The following RFC1 variants were observed in gnomAD, a reference collection of about 807,000 sequenced individuals.
RFC1 encodes the protein replication factor C subunit 1.
Under a neutral mutation model 137.4 loss-of-function variants are expected in RFC1, and 37 were observed. The observed-to-expected ratio is 0.27, with a 90% CI of 0.21 to 0.35. RFC1 has a LOEUF of 0.35. RFC1 is among the 10% of genes least tolerant of loss of function. RFC1 has a pLI of 1.00. For missense variants in RFC1, 1,205 were observed against 1,358.5 expected, an observed-to-expected ratio of 0.89 and a Z score of 1.78; for synonymous variants, 429 against 455.7, an observed-to-expected ratio of 0.94 and a Z score of 0.75.
At chr4:39,351,282 A>ACTTAC in intron 2 of RFC1, 66 bp downstream of exon 2, 1 of 535,058 alleles carries the variant, frequency 1.9e-6, no homozygotes, top group Non-Finnish European at 2.7e-6. Context: ...AAAAAAAAAA[A>ACTTAC]AAACTTATAA....
intron 2 of RFC1, 67 bp downstream of exon 2, chr4:39,351,281 A>ATTACAAT: frequency 1.8e-6 from 1 of 547,982 alleles, no homozygotes; most frequent in Non-Finnish European, 2.7e-6. Context: ...AAAAAAAAAA[A>ATTACAAT]AAAACTTATA....
chr4:39,294,565 G>A (rs1011289266), intron 22 of RFC1, among the ~76,000 whole-genome samples: 5 of 152,094 alleles, frequency 3.3e-5, no homozygotes, highest in Admixed American at 3.3e-4. Flanking sequence ...AACTACTCAA[G>A]AGGCTGAGGC....
chr4:39,363,154 T>C (rs1370618706), intron 1 of RFC1, among the ~76,000 whole-genome samples: 1 of 152,276 alleles, frequency 6.6e-6, no homozygotes, highest in Non-Finnish European at 1.5e-5. Context: ...CAATTAATTA[T>C]ATATGCTGAC....
intron 7 of RFC1, among the ~76,000 whole-genome samples, chr4:39,322,669 T>C (rs1739575153): frequency 6.6e-6 from 1 of 151,950 alleles, no homozygotes; most frequent in Admixed American, 6.6e-5. Flanking sequence ...ATCCCAACAC[T>C]TTGGGAGGCT....
chr4:39,307,699 G>C (rs1229947670), intron 13 of RFC1, among the ~76,000 whole-genome samples: 1 of 150,620 alleles, frequency 6.6e-6, no homozygotes, highest in South Asian at 2.1e-4. Flanking sequence ...CTGGGCAACA[G>C]AGCAAGACTC....
intron 9 of RFC1, among the ~76,000 whole-genome samples, chr4:39,318,428 T>C (rs1739355817): frequency 6.6e-6 from 1 of 152,244 alleles, no homozygotes. Context: ...ACACTCATTC[T>C]ATGAAAAGAA....
intron 5 of RFC1, 23 bp from the exon 6 acceptor site, chr4:39,326,663 C>G (rs1466617003): frequency 3.8e-6 from 6 of 1,589,902 alleles, no homozygotes; most frequent in Non-Finnish European, 5.2e-6. Context: ...GAAAATCAAG[C>G]AAAATCAGCA....
chr4:39,345,384 T>G lies in RFC1; in HGVS notation c.208+17A>C, dbSNP rs1740802965. 1.2e-6 allele frequency: 2 copies of G among 1,607,902 alleles called. No homozygotes were observed. The highest frequency in any genetic ancestry group is 1.7e-6 in the Non-Finnish European group (2 of 1,175,640). On this transcript the variant is annotated intron_variant, in intron 3 of 24. Transcript: ENST00000349703. Reference sequence around the variant, plus strand: ...AATAACTTTAAAATTTTAAAGCTCCTCAGAAGAAATTATTACCTGAATCAT... The same window carrying G: ...AATAACTTTAAAATTTTAAAGCTCCGCAGAAGAAATTATTACCTGAATCAT...
chr4:39,299,626 A>AAAAG (rs1160489547), intron 21 of RFC1, among the ~76,000 whole-genome samples: 1 of 151,438 alleles, frequency 6.6e-6, no homozygotes, highest in Admixed American at 6.6e-5. Flanking sequence ...AAAAAAAAAA[A>AAAAG]AAAGAAAGAA....
intron 1 of RFC1, among the ~76,000 whole-genome samples, chr4:39,359,525 A>G (rs1366021457): frequency 6.6e-6 from 1 of 152,178 alleles, no homozygotes; most frequent in East Asian, 1.9e-4. Flanking sequence ...ATGAGGATGC[A>G]AAGGCATAAG....
At position 39,327,436 on chromosome 4, in the gene RFC1, G is replaced by A. The variant is rs746885080; in HGVS notation, c.564+88C>T. The A allele has an allele frequency of 2.0e-5, 13 of 661,610 alleles. No homozygotes were observed. In the Admixed American group the frequency reaches 2.0e-4, roughly 10 times the overall value. The allele number at this position is 661,610 out of a possible 1,614,324, so 41.0% of individuals were successfully genotyped here. ...ATTATTTTAATTATTAAAACATGTT[G>A]CCTATTTACTACATCCTAGTTTCTC... On this transcript the variant is annotated intron_variant, in intron 5 of 24. Coordinates refer to ENST00000349703, the MANE Select transcript of RFC1 (RefSeq NM_002913.5).
rs2109757517 is a variant in RFC1, at chr4:39,351,334, C to T, written c.132+14G>A. 1.4e-6 allele frequency: 2 copies of T among 1,452,242 alleles called. No homozygotes were observed. Among genetic ancestry groups the T allele is most frequent in the Non-Finnish European group, 1.8e-6 (2 of 1,098,402 alleles). 90.0% of individuals were successfully genotyped at this position (1,452,242 alleles called of 1,614,324 possible). A position where few individuals can be genotyped will look rare whatever the true frequency, so the allele number is the denominator to read the frequency against. On this transcript the variant is annotated intron_variant, in intron 2 of 24. Transcript: ENST00000349703. Reference sequence around the variant, plus strand: ...ACATTTCATTCAATGCAAAATTATACCCAGAAAACTAACCTTGATTTCCTT... The same window carrying T: ...ACATTTCATTCAATGCAAAATTATATCCAGAAAACTAACCTTGATTTCCTT...
chr4:39,329,495 C>CA (rs1397978244), intron 4 of RFC1, among the ~76,000 whole-genome samples: 1 of 151,632 alleles, frequency 6.6e-6, no homozygotes, highest in East Asian at 1.9e-4. Flanking sequence ...GAGGCAGAGG[C>CA]AGAGGGTGCA....
Position 39,311,546 on chromosome 4 carries a change from C to T in RFC1, c.1387G>A (p.Ala463Thr), listed in dbSNP as rs146649219. ...TCAATAATTTTTGTCCCCAAGGCTG[C>T]GGCCTGTTGATTAAAAATGTAAACC... ...DSGQSKSDKA[A>T]ALGTKIIDED... is the part of the protein sequence containing the mutation. Residue 463 changes from alanine (A) to threonine (T), a missense_variant, in exon 12 of 25, where the codon GCA (alanine) becomes ACA (threonine). By Grantham distance (58) the Ala-to-Thr change is moderately conservative. This residue lies in a region of RFC1 where 962 missense variants were observed against 1,035.3 expected (regional missense o/e 0.93). Transcript: ENST00000349703. 6.0e-5 allele frequency: 97 copies of T among 1,612,630 alleles called. No individual in the cohort carries two copies. The African/African-American group carries it at 1.1e-3, about 18-fold the overall frequency.
chr4:39,355,437 C>T (rs1252780660), intron 1 of RFC1, among the ~76,000 whole-genome samples: 1 of 140,654 alleles, frequency 7.1e-6, no homozygotes, highest in Non-Finnish European at 1.5e-5. Flanking sequence ...TATCTTAAAA[C>T]ACACACACAC....
In RFC1 at chr4:39,289,906, T is replaced by A; in HGVS notation, c.3302A>T (p.Asp1101Val). The change falls in exon 24 of 25, where the codon GAT (aspartate) becomes GTT (valine). Residue 1101 changes from aspartate to valine, a missense_variant. Physicochemically the swap from Asp to Val is radical, Grantham distance 152 (BLOSUM62 -3). This residue lies in a region of RFC1 where 237 missense variants were observed against 304.2 expected (regional missense o/e 0.78). Coordinates refer to ENST00000349703, the MANE Select transcript of RFC1 (RefSeq NM_002913.5). Reference sequence around the variant, plus strand: ...GTCTTTCTCATCAGATTGAGAGTCATCTTCATTTAATTCTTCATTGTATTC... The same window carrying A: ...GTCTTTCTCATCAGATTGAGAGTCAACTTCATTTAATTCTTCATTGTATTC... ...DSEYNEELNE[D>V]DSQSDEKDQD... The A allele has an allele frequency of 6.2e-7, 1 of 1,613,348 alleles. No individual in the cohort carries two copies. Among genetic ancestry groups the A allele is most frequent in the Non-Finnish European group, 8.5e-7 (1 of 1,179,264 alleles).
chr4:39,352,243 C>T (rs1741245951), intron 1 of RFC1, among the ~76,000 whole-genome samples: 1 of 152,132 alleles, frequency 6.6e-6, no homozygotes. Flanking sequence ...TCTCACAACC[C>T]TAATCATTCC....
At chr4:39,347,928 G>A (rs1488220971) in intron 2 of RFC1, among the ~76,000 whole-genome samples, 1 of 152,192 alleles carries the variant, frequency 6.6e-6, no homozygotes, top group Admixed American at 6.5e-5. Context: ...CTTTGTGAAA[G>A]ATGGAACCTG....
intron 7 of RFC1, chr4:39,322,453 G>A (rs560877966): frequency 2.0e-5 from 3 of 152,320 alleles, no homozygotes; most frequent in South Asian, 4.1e-4. Flanking sequence ...ATTATTATAT[G>A]AGACTGTCAT....
Sources: allele counts gnomAD v4.1 joint callset (sites outside exome capture counted in the v4.1 genomes callset), GRCh38; gene constraint gnomAD v4.1.1; regional missense constraint gnomAD v4.1.1; transcripts MANE v1.5; gene names NCBI Gene and HGNC (gene_info 2026-07-23, HGNC 2026-07-21).